Variants in TOX observed in about 807,000 individuals in gnomAD.
The protein encoded by TOX is thymocyte selection associated high mobility group box.
TOX carries 11 observed loss-of-function variants against 53.7 expected under a neutral mutation model. That is an observed-to-expected ratio of 0.20 (90% CI 0.13 to 0.34). The LOEUF is 0.34. Ranked by LOEUF, TOX falls within the 10% of genes least tolerant of loss-of-function variation. TOX has a pLI of 1.00. For synonymous variants in TOX, 225 were observed against 245.3 expected (o/e 0.92, Z 0.77); for missense variants, 570 against 664.6 (o/e 0.86, Z 1.56).
chr8:58,859,603 G>GT (rs1001393684), intron 3 of TOX, among the ~76,000 whole-genome samples: 4 of 152,256 alleles, frequency 2.6e-5, no homozygotes, highest in Admixed American at 2.0e-4. Flanking sequence ...AACAGCCATA[G>GT]TACTCTCTAG....
At chr8:58,921,864 G>A (rs1453236101) in intron 3 of TOX, among the ~76,000 whole-genome samples, 2 of 152,110 alleles carry the variant, frequency 1.3e-5, no homozygotes, top group African/African-American at 4.8e-5. Flanking sequence ...TTATCTTAAT[G>A]TTTATACTTC....
intron 3 of TOX, among the ~76,000 whole-genome samples, chr8:58,889,600 A>G (rs6471756): frequency 0.56 from 85,177 of 151,940 alleles, 24,725 homozygotes; most frequent in African/African-American, 0.71. Context: ...TTAGAAAAAA[A>G]CAGAAATTTT....
intron 1 of TOX, among the ~76,000 whole-genome samples, chr8:58,997,798 T>G (rs1318339585): frequency 6.6e-6 from 1 of 152,164 alleles, no homozygotes. Flanking sequence ...TTTTGTTTTG[T>G]TTTGTTTTTT....
chr8:59,110,684 A>G (rs754866937), intron 1 of TOX, among the ~76,000 whole-genome samples: 2 of 151,904 alleles, frequency 1.3e-5, no homozygotes, highest in Non-Finnish European at 2.9e-5. Flanking sequence ...TCATAATAGC[A>G]TCTCTCCTTA....
intron 2 of TOX, among the ~76,000 whole-genome samples, chr8:58,951,838 T>C (rs1166385203): frequency 1.3e-5 from 2 of 152,214 alleles, no homozygotes; most frequent in Non-Finnish European, 2.9e-5. Flanking sequence ...TCAAATATCC[T>C]AATTTAAGAA....
intron 1 of TOX, among the ~76,000 whole-genome samples, chr8:59,059,401 G>T (rs1026145897): frequency 6.6e-5 from 10 of 151,964 alleles, no homozygotes; most frequent in Non-Finnish European, 1.5e-4. Flanking sequence ...GTAAAAAGAA[G>T]AAATATTTTA....
At chr8:58,828,452 G>T (rs1022836402) in intron 5 of TOX, among the ~76,000 whole-genome samples, 6 of 150,584 alleles carry the variant, frequency 4.0e-5, no homozygotes, top group Non-Finnish European at 7.4e-5. Flanking sequence ...TCCTAAGTAT[G>T]AAACTAAAGA....
intron 5 of TOX, among the ~76,000 whole-genome samples, chr8:58,831,428 CTA>C (rs1432372599): frequency 6.6e-6 from 1 of 152,102 alleles, no homozygotes; most frequent in African/African-American, 2.4e-5. Flanking sequence ...ATCATGCACT[CTA>C]TATATTACCT....
At chr8:58,867,353 C>T (rs1276069984) in intron 3 of TOX, among the ~76,000 whole-genome samples, 3 of 152,194 alleles carry the variant, frequency 2.0e-5, no homozygotes, top group South Asian at 2.1e-4. Flanking sequence ...CCCAAACGCT[C>T]ATTGTCTGCT....
rs192463436 is a variant in TOX, at chr8:58,930,260, A to G, written c.411+9042T>C. On this transcript the variant is annotated intron_variant, in intron 3 of 8. Transcript: ENST00000361421. ...TCTGGGGGAAATATTATGGCTAGAG[A>G]TAACTTTAAGTGGGAACAAATAGAT... is the stretch of plus-strand genomic sequence containing the variant. Among the ~76,000 whole-genome samples the G allele has an allele frequency of 7.3e-4, 111 of 152,304 alleles. 1 individual carries two copies. The highest frequency in any genetic ancestry group is 2.5e-3 in the African/African-American group (104 of 41,570).
At chr8:58,893,554 T>C (rs945200187) in intron 3 of TOX, among the ~76,000 whole-genome samples, 15 of 152,210 alleles carry the variant, frequency 9.9e-5, no homozygotes, top group African/African-American at 3.4e-4. Flanking sequence ...TAATTTGTTA[T>C]AAGTTCAGTG....
chr8:58,816,955 A>T (rs1368096825), intron 6 of TOX, among the ~76,000 whole-genome samples: 2 of 152,190 alleles, frequency 1.3e-5, no homozygotes, highest in Non-Finnish European at 1.5e-5. Context: ...TCAATAATGC[A>T]GTCAAGTTTC....
chr8:59,012,973 C>G (rs1466519066), intron 1 of TOX, among the ~76,000 whole-genome samples: 11 of 150,228 alleles, frequency 7.3e-5, no homozygotes, highest in Admixed American at 6.6e-4. Flanking sequence ...ACACTGGTGA[C>G]AAATAAATCA....
chr8:59,014,047 G>C lies in TOX; in HGVS notation c.103-54039C>G, dbSNP rs141459091. Among the ~76,000 whole-genome samples, 277 of 152,306 alleles carry C rather than the reference G, an allele frequency of 1.8e-3. 2 individuals are homozygous for C. The highest frequency in any genetic ancestry group is 0.015 in the East Asian group (77 of 5,184). ...ATTTTCATAAGGGGTAAGGGGGACA[G>C]GGAGAGGAAATAGTCATTGTTTTAG... On this transcript the variant is annotated intron_variant, in intron 1 of 8. Transcript: ENST00000361421.
In TOX at chr8:59,118,271, C is replaced by T. The variant is rs1272150772; in HGVS notation, c.102+615G>A. ...CAGGAACTGTTCCCCAAACCTTGACCCAGCTACCCCGCTGTGCTCTGGCCC... is the reference window on the plus strand; with the variant it reads ...CAGGAACTGTTCCCCAAACCTTGACTCAGCTACCCCGCTGTGCTCTGGCCC... On this transcript the variant is annotated intron_variant, in intron 1 of 8. Transcript: ENST00000361421. The surrounding 1 kb of genome is among the most constrained non-coding windows in gnomAD (Gnocchi z 4.1). Among the ~76,000 whole-genome samples the T allele has an allele frequency of 6.6e-6, 1 of 152,354 alleles. No individual in the cohort carries two copies. The highest frequency in any genetic ancestry group is 2.1e-4 in the South Asian group (1 of 4,832).
At chr8:58,808,330 T>C in intron 7 of TOX, 61 bp from the exon 8 acceptor site, 1 of 1,551,300 alleles carries the variant, frequency 6.4e-7, no homozygotes, top group Non-Finnish European at 8.7e-7. Context: ...GAAAAGCACC[T>C]AAATATTTAT....
chr8:58,953,621 G>A (rs1812661289), intron 2 of TOX, among the ~76,000 whole-genome samples: 1 of 152,178 alleles, frequency 6.6e-6, no homozygotes, highest in Non-Finnish European at 1.5e-5. Flanking sequence ...ATGTTACACT[G>A]AAGACTGGTT....
chr8:58,921,173 C>T (rs1191293077), intron 3 of TOX, among the ~76,000 whole-genome samples: 1 of 152,162 alleles, frequency 6.6e-6, no homozygotes, highest in Non-Finnish European at 1.5e-5. Flanking sequence ...GCTCTTGCAC[C>T]ATCTCTTGAA....
chr8:58,972,635 T>C (rs1813021016), intron 1 of TOX, among the ~76,000 whole-genome samples: 1 of 152,194 alleles, frequency 6.6e-6, no homozygotes, highest in South Asian at 2.1e-4. Context: ...TTTGTTCTAG[T>C]TCAACAATTA....
Sources: gnomAD v4.1 joint callset for allele counts (sites outside exome capture counted in the v4.1 genomes callset) on GRCh38, gnomAD v4.1.1 for gene constraint, Gnocchi (gnomAD v3.1) non-coding constraint, MANE v1.5 for transcripts, NCBI Gene and HGNC (gene_info 2026-07-23, HGNC 2026-07-21) for gene names.